PRXL2A: variants seen among roughly 807,000 people sequenced by gnomAD.
The protein encoded by PRXL2A is peroxiredoxin like 2A, also known as peroxiredoxin-like 2A.
PRXL2A carries 26 observed loss-of-function variants against 25.6 expected under a neutral mutation model. The observed-to-expected ratio is 1.02, with a 90% CI of 0.74 to 1.41. PRXL2A has a LOEUF of 1.41. Among genes scored for constraint, PRXL2A ranks in the 40% most tolerant of loss-of-function variants. PRXL2A has a pLI of 0.00. For synonymous variants in PRXL2A, 98 were observed against 102.9 expected (o/e 0.95, Z 0.29); for missense variants, 246 against 273.9 (o/e 0.90, Z 0.72).
chr10:80,424,823 T>TA (rs1332159266), intron 3 of PRXL2A, among the ~76,000 whole-genome samples: 2 of 152,190 alleles, frequency 1.3e-5, no homozygotes, highest in Non-Finnish European at 2.9e-5. Context: ...ATTGTGCCAC[T>TA]ACACTCCAGC....
chr10:80,431,676 G>A (rs553888621), intron 5 of PRXL2A, among the ~76,000 whole-genome samples: 2 of 152,164 alleles, frequency 1.3e-5, no homozygotes, highest in South Asian at 4.2e-4. Flanking sequence ...TCTTTTACCT[G>A]CATCTCTACT....
At position 80,435,801 on chromosome 10, in the gene PRXL2A, A is replaced by T. The variant is rs1381542157; in HGVS notation, c.*3702A>T. On this transcript the variant is annotated 3_prime_UTR_variant, in exon 6 of 6. Transcript: ENST00000606162. ...GGTGATCTTGATGTTCTGCTGGTCC[A>T]TGGGTCACACTTTGAGAAGCATGGT... 2.0e-5 allele frequency: 3 copies of T among 152,226 alleles called. No individual in the cohort carries two copies. The highest frequency in any genetic ancestry group is 4.4e-5 in the Non-Finnish European group (3 of 68,070). The allele number at this position is 152,226 out of a possible 1,614,324, so 9.4% of individuals were successfully genotyped here. A position where few individuals can be genotyped will look rare whatever the true frequency, so the allele number is the denominator to read the frequency against.
intron 5 of PRXL2A, among the ~76,000 whole-genome samples, chr10:80,429,719 C>T (rs1845183224): frequency 5.3e-5 from 8 of 151,958 alleles, no homozygotes; most frequent in Admixed American, 3.9e-4. Flanking sequence ...AGGTGTTTCC[C>T]AGCGACCACT....
At chr10:80,419,760 G>A (rs577289809) in intron 1 of PRXL2A, among the ~76,000 whole-genome samples, 1 of 152,148 alleles carries the variant, frequency 6.6e-6, no homozygotes, top group Non-Finnish European at 1.5e-5. Context: ...CTTTCTTATC[G>A]ACTATGGTTT....
chr10:80,410,223 T>C (rs1227277954), intron 1 of PRXL2A, among the ~76,000 whole-genome samples: 2 of 152,358 alleles, frequency 1.3e-5, no homozygotes, highest in South Asian at 2.1e-4. Flanking sequence ...CTGTGGCTTG[T>C]GTGGCAAGAA....
In PRXL2A at chr10:80,436,174, T is replaced by G. The variant is rs945915588; in HGVS notation, c.*4075T>G. On this transcript the variant is annotated 3_prime_UTR_variant, in exon 6 of 6. Coordinates refer to ENST00000606162, the MANE Select transcript of PRXL2A (RefSeq NM_032333.5). ...TGTCACCTAGGCTAGAGTGCAGTAA[T>G]GCAATCATGGCTCACTGCTGCCTTA... 1 of 151,134 alleles carries G rather than the reference T, an allele frequency of 6.6e-6. No homozygotes were observed. The highest frequency in any genetic ancestry group is 6.6e-5 in the Admixed American group (1 of 15,078). The allele number at this position is 151,134 out of a possible 1,614,324, so 9.4% of individuals were successfully genotyped here. A position where few individuals can be genotyped will look rare whatever the true frequency, so the allele number is the denominator to read the frequency against.
At position 80,425,873 on chromosome 10, in the gene PRXL2A, C is replaced by T. The variant is rs577505930; in HGVS notation, c.278C>T (p.Ala93Val). The T allele has an allele frequency of 5.3e-5, 85 of 1,614,218 alleles. No homozygotes were observed. The highest frequency in any genetic ancestry group is 2.3e-4 in the Admixed American group (14 of 60,026). ...CCCTTGTGTCTTCTACAGGAAGCTG[C>T]GGATCTGTCCTCCCTGAAAAGCATG... is the stretch of plus-strand genomic sequence containing the variant. ...PGCFLCREEA[A>V]DLSSLKSMLD... The change falls in exon 4 of 6, where the codon GCG becomes GTG. Residue 93 changes from alanine (A) to valine (V), a missense_variant. By Grantham distance (64) the Ala-to-Val change is moderately conservative (BLOSUM62 0). Transcript: ENST00000606162.
chr10:80,420,013 C>T, intron 1 of PRXL2A: 1 of 985,630 alleles, frequency 1.0e-6, no homozygotes, highest in Non-Finnish European at 1.2e-6. Flanking sequence ...CCTCTGATCA[C>T]AGAAGAGAAA....
intron 1 of PRXL2A, chr10:80,409,177 C>A: frequency 1.6e-6 from 1 of 624,556 alleles, no homozygotes; most frequent in Non-Finnish European, 2.0e-6. Flanking sequence ...ACCTGTTCCC[C>A]CTCTTTCCCA....
chr10:80,410,130 T>G (rs771779413), intron 1 of PRXL2A, among the ~76,000 whole-genome samples: 2 of 152,260 alleles, frequency 1.3e-5, no homozygotes, highest in Non-Finnish European at 2.9e-5. Flanking sequence ...GCTCTGTCCC[T>G]ATCTAAGCAA....
At chr10:80,409,569 G>T (rs1015678838) in intron 1 of PRXL2A, among the ~76,000 whole-genome samples, 21 of 152,144 alleles carry the variant, frequency 1.4e-4, no homozygotes, top group African/African-American at 4.1e-4. Flanking sequence ...ATCAAGATTT[G>T]TTTTGAAAAG....
At position 80,419,095 on chromosome 10, in the gene PRXL2A, C is replaced by T. The variant is rs558622396; in HGVS notation, c.-2-1371C>T. The stretch of plus-strand genomic sequence containing the variant: ...CCGCCTCCCGGGTTCAGGCGATTCT[C>T]CTCCCTCAGCCTCCCAAATAGCTGG... On this transcript the variant is annotated intron_variant, in intron 1 of 5. Coordinates refer to ENST00000606162, the MANE Select transcript of PRXL2A (RefSeq NM_032333.5). Among the ~76,000 whole-genome samples the T allele has an allele frequency of 2.0e-5, 3 of 152,166 alleles. 1 individual carries two copies. The South Asian group carries it at 6.2e-4, about 32-fold the overall frequency.
intron 1 of PRXL2A, chr10:80,409,188 A>T (rs975447809): frequency 1.8e-5 from 9 of 506,380 alleles, no homozygotes; most frequent in Non-Finnish European, 2.3e-5. Flanking sequence ...CTCTTTCCCA[A>T]GAGTCACAAA....
At chr10:80,409,896 T>A (rs888661148) in intron 1 of PRXL2A, among the ~76,000 whole-genome samples, 2 of 152,220 alleles carry the variant, frequency 1.3e-5, no homozygotes, top group Non-Finnish European at 2.9e-5. Flanking sequence ...AACAGTTCCT[T>A]GTCCAGGTTT....
chr10:80,428,398 C>T (rs541549050), intron 5 of PRXL2A, among the ~76,000 whole-genome samples: 1 of 152,304 alleles, frequency 6.6e-6, no homozygotes, highest in African/African-American at 2.4e-5. Flanking sequence ...GTGGCTCACA[C>T]CTGTAACGCC....
At position 80,427,454 on chromosome 10, in the gene PRXL2A, C is replaced by A. The variant is rs749055887; in HGVS notation, c.534C>A (p.Gly178=). ...GGFSGNLEGE[G]FILGGVFVVG... is the part of the protein sequence containing the mutation. ...TCTCTGGAAACCTGGAAGGAGAAGGCTTCATCCTTGGGGGAGTTTTCGTGG... is the reference window on the plus strand; with the variant it reads ...TCTCTGGAAACCTGGAAGGAGAAGGATTCATCCTTGGGGGAGTTTTCGTGG... The change falls in exon 5 of 6, where the codon GGC becomes GGA. Residue 178 remains glycine, a synonymous_variant. Transcript: ENST00000606162. 1 of 1,614,118 alleles carries A rather than the reference C, an allele frequency of 6.2e-7. No homozygotes were observed. The highest frequency in any genetic ancestry group is 1.1e-5 in the South Asian group (1 of 91,080).
rs759292018 is a variant in PRXL2A, at chr10:80,436,115, C to CCTTTTTTTTTTTTTTTTTT, written c.*4016_*4017insCTTTTTTTTTTTTTTTTTT. On this transcript the variant is annotated 3_prime_UTR_variant, in exon 6 of 6. Transcript: ENST00000606162. ...AATCTCTGGGGTAGGCCCCAAGCAACTTTTTTTTTTTTTTTTTTAGATAGA... is the reference window on the plus strand; with the variant it reads ...AATCTCTGGGGTAGGCCCCAAGCAACCTTTTTTTTTTTTTTTTTTTTTTTTTTTTTTTTTTTTAGATAGA... 1 of 132,130 alleles carries CCTTTTTTTTTTTTTTTTTT rather than the reference C, an allele frequency of 7.6e-6. No homozygotes were observed. The highest frequency in any genetic ancestry group is 1.6e-5 in the Non-Finnish European group (1 of 62,314). 8.2% of individuals were successfully genotyped at this position (132,130 alleles called of 1,614,324 possible).
intron 1 of PRXL2A, among the ~76,000 whole-genome samples, chr10:80,413,037 G>T (rs943581279): frequency 5.3e-5 from 8 of 152,130 alleles, no homozygotes; most frequent in African/African-American, 1.9e-4. Context: ...AAGAGGATGG[G>T]TAGCAGATAC....
intron 1 of PRXL2A, among the ~76,000 whole-genome samples, chr10:80,417,965 C>T (rs1844725759): frequency 6.6e-6 from 1 of 151,958 alleles, no homozygotes; most frequent in South Asian, 2.1e-4. Context: ...GCCTCAGCCT[C>T]CCAAAATGCT....
Sources: gnomAD v4.1 joint callset for allele counts (sites outside exome capture counted in the v4.1 genomes callset) on GRCh38, gnomAD v4.1.1 for gene constraint, MANE v1.5 for transcripts, NCBI Gene and HGNC (gene_info 2026-07-23, HGNC 2026-07-21) for gene names.